CHTF18: variants seen among roughly 807,000 people sequenced by gnomAD.
The protein encoded by CHTF18 is chromosome transmission fidelity factor 18.
A neutral mutation model predicts 113.4 loss-of-function variants in CHTF18; 151 were observed. The observed-to-expected ratio is 1.33, with a 90% CI of 1.17 to 1.52. The LOEUF (loss-of-function observed/expected upper bound fraction) is 1.52. Among genes scored for constraint, CHTF18 ranks in the 40% most tolerant of loss-of-function variants. The pLI is 0.00. For missense variants in CHTF18, 1,982 were observed against 1,381.6 expected (o/e 1.43, Z -6.89); for synonymous variants, 916 against 598.8 (o/e 1.53, Z -7.74).
In CHTF18 at chr16:788,631, G is replaced by C. The variant is rs898151369; in HGVS notation, c.-54G>C. Reference sequence around the variant, plus strand: ...GGCACGCTCGGGGCGGGCAGTGCGCGACGGCGGCGGCGGCGCGGGAGGTTC... The same window carrying C: ...GGCACGCTCGGGGCGGGCAGTGCGCCACGGCGGCGGCGGCGCGGGAGGTTC... On this transcript the variant is annotated 5_prime_UTR_variant, in exon 1 of 22. Coordinates refer to ENST00000262315, the MANE Select transcript of CHTF18 (RefSeq NM_022092.3). 1 of 1,391,834 alleles carries C rather than the reference G, an allele frequency of 7.2e-7. No individual in the cohort carries two copies. The highest frequency in any genetic ancestry group is 9.5e-7 in the Non-Finnish European group (1 of 1,055,984). The allele number at this position is 1,391,834 out of a possible 1,614,324, so 86.2% of individuals were successfully genotyped here.
Position 788,651 on chromosome 16 carries a change from A to AGGTTCGGAGCGGG in CHTF18, c.-33_-21dup. The AGGTTCGGAGCGGG allele has an allele frequency of 6.9e-7, 1 of 1,458,624 alleles. No homozygotes were observed. Among genetic ancestry groups the AGGTTCGGAGCGGG allele is most frequent in the South Asian group, 1.4e-5 (1 of 73,800 alleles). 90.4% of individuals were successfully genotyped at this position (1,458,624 alleles called of 1,614,324 possible). A position where few individuals can be genotyped will look rare whatever the true frequency, so the allele number is the denominator to read the frequency against. Reference sequence around the variant, plus strand: ...TGCGCGACGGCGGCGGCGGCGCGGGAGGTTCGGAGCGGGAGCTCGGGCTCG... The same window carrying AGGTTCGGAGCGGG: ...TGCGCGACGGCGGCGGCGGCGCGGGAGGTTCGGAGCGGGGGTTCGGAGCGGGAGCTCGGGCTCG... On this transcript the variant is annotated 5_prime_UTR_variant, in exon 1 of 22. Coordinates refer to ENST00000262315, the MANE Select transcript of CHTF18 (RefSeq NM_022092.3).
chr16:792,052 G>C lies in CHTF18; in HGVS notation c.1202+104G>C, dbSNP rs2042211855. 9 of 1,544,664 alleles carry C rather than the reference G, an allele frequency of 5.8e-6. No homozygotes were observed. The South Asian group carries it at 6.0e-5, about 10-fold the overall frequency. ...TGTGGATGTTCCCGTCTTGAGGGTG[G>C]TGGGGGCCTGGGTGTGTGGGCCGGG... is the stretch of plus-strand genomic sequence containing the variant. On this transcript the variant is annotated intron_variant, in intron 9 of 21. Transcript: ENST00000262315.
At chr16:791,705 G>A in intron 8 of CHTF18, 146 bp from the exon 9 acceptor site, 2 of 1,435,024 alleles carry the variant, frequency 1.4e-6, no homozygotes, top group South Asian at 1.5e-5. Context: ...GTGTGTGAAA[G>A]TGCTCAATTT....
In CHTF18 at chr16:788,980, AC is replaced by A; in HGVS notation, c.146del (p.Pro49ArgfsTer62). 1 of 1,561,062 alleles carries A rather than the reference AC, an allele frequency of 6.4e-7. No individual in the cohort carries two copies. The highest frequency in any genetic ancestry group is 8.6e-7 in the Non-Finnish European group (1 of 1,160,504). On this transcript the variant is annotated frameshift_variant, in exon 2 of 22. Coordinates refer to ENST00000262315, the MANE Select transcript of CHTF18 (RefSeq NM_022092.3). LOFTEE classifies it high-confidence loss of function. Reference protein sequence around the residue: ...SGVPLFTAGRPPRTFEEALAR... With the variant: ...SGVPLFTAGRXPRTFEEALAR... ...GGGTCCCCCTGTTCACCGCGGGCCG[AC>A]CCCCGCGGACGTTCGAGGAGGCCCT...
intron 14 of CHTF18, 148 bp downstream of exon 14, chr16:793,422 C>T (rs374217604): frequency 6.5e-6 from 7 of 1,068,904 alleles, no homozygotes; most frequent in East Asian, 5.2e-5. Flanking sequence ...GGGCCCTCCT[C>T]AGCCTTTTCC....
Position 792,501 on chromosome 16 carries a change from G to C in CHTF18, c.1389G>C (p.Gln463His), listed in dbSNP as rs779906566. Residue 463 changes from glutamine (Q) to histidine (H), a missense_variant, in exon 11 of 22, where the codon CAG becomes CAC. Physicochemically the swap from Gln to His is conservative, Grantham distance 24. Transcript: ENST00000262315. Reference protein sequence around the residue: ...NRKGPQEVGPQGPAVPSGGGR... With the variant: ...NRKGPQEVGPHGPAVPSGGGR... ...AGGGGCCACAGGAGGTGGGGCCACA[G>C]GGCCCGGCTGTGCCTTCGGGAGGCG... is the stretch of plus-strand genomic sequence containing the variant. 6.3e-5 allele frequency: 100 copies of C among 1,592,578 alleles called. 2 individuals carry two copies. The South Asian group carries it at 1.1e-3, about 18-fold the overall frequency.
Position 792,435 on chromosome 16 carries a change from C to T in CHTF18, c.1327-4C>T, listed in dbSNP as rs1596757206. 2 of 1,560,456 alleles carry T rather than the reference C, an allele frequency of 1.3e-6. No individual in the cohort carries two copies. Among genetic ancestry groups the T allele is most frequent in the East Asian group, 2.4e-5 (1 of 41,634 alleles). ...ACTCACCGTGTCCTCTGACCTCCCC[C>T]AAGGCCGCCATCAACGTCCTCCTGA... On this transcript the variant is annotated splice_region_variant and splice_polypyrimidine_tract_variant and intron_variant, in intron 10 of 21. Transcript: ENST00000262315.
At position 794,131 on chromosome 16, in the gene CHTF18, C is replaced by T; in HGVS notation, c.1880C>T (p.Ser627Phe). The change falls in exon 15 of 22, where the codon TCC becomes TTC. Residue 627 changes from serine (S) to phenylalanine (F), a missense_variant. By Grantham distance (155) the Ser-to-Phe change is radical (BLOSUM62 -2). Coordinates refer to ENST00000262315, the MANE Select transcript of CHTF18 (RefSeq NM_022092.3). ...GACGGGGACGCGGGCTCCCTCACCT[C>T]CGCCTCACAGCGATTCTACCGTGTC... ...LGDGDAGSLT[S>F]ASQRFYRVLH... 2 of 1,612,476 alleles carry T rather than the reference C, an allele frequency of 1.2e-6. No homozygotes were observed. The highest frequency in any genetic ancestry group is 1.7e-6 in the Non-Finnish European group (2 of 1,179,772).
At chr16:794,992 G>A (rs888772845) in intron 15 of CHTF18, 140 bp from the exon 16 acceptor site, 17 of 665,628 alleles carry the variant, frequency 2.6e-5, no homozygotes, top group African/African-American at 2.5e-4. Context: ...GCGTCGTGGG[G>A]ACCCTTGTGG....
Position 791,431 on chromosome 16 carries a change from C to G in CHTF18, c.1104+61C>G. 22 of 1,502,090 alleles carry G rather than the reference C, an allele frequency of 1.5e-5. No individual in the cohort carries two copies. The South Asian group carries it at 2.3e-4, about 16-fold the overall frequency. The allele number at this position is 1,502,090 out of a possible 1,614,324, so 93.0% of individuals were successfully genotyped here. ...TGAGGCTTTGCACTCGGCGCCGGCA[C>G]CCTTGCAGCCTGTTGACTTTCTCCA... On this transcript the variant is annotated intron_variant, in intron 8 of 21. Coordinates refer to ENST00000262315, the MANE Select transcript of CHTF18 (RefSeq NM_022092.3).
Position 795,985 on chromosome 16 carries a change from G to A in CHTF18, c.2364G>A (p.Gln788=). The change falls in exon 18 of 22, where the codon CAG becomes CAA. Residue 788 remains glutamine, a synonymous_variant. Transcript: ENST00000262315. ...TQLYSTREKQ[Q]LASLVGTMLA... ...TGTACAGCACCCGTGAAAAGCAACA[G>A]CTGGCCAGCCTGGTGGGCACGATGC... The A allele has an allele frequency of 6.2e-7, 1 of 1,609,148 alleles. No individual in the cohort carries two copies. Among genetic ancestry groups the A allele is most frequent in the South Asian group, 1.1e-5 (1 of 90,270 alleles).
intron 18 of CHTF18, chr16:796,491 G>A (rs998019658): frequency 6.7e-6 from 4 of 596,594 alleles, no homozygotes; most frequent in South Asian, 2.2e-5. Context: ...GGCAGCCATC[G>A]GCAGGTTTCA....
At position 791,432 on chromosome 16, in the gene CHTF18, C is replaced by T. The variant is rs956257711; in HGVS notation, c.1104+62C>T. 1.2e-5 allele frequency: 18 copies of T among 1,500,880 alleles called. No individual in the cohort carries two copies. The African/African-American group carries it at 1.8e-4, about 15-fold the overall frequency. 93.0% of individuals were successfully genotyped at this position (1,500,880 alleles called of 1,614,324 possible). A position where few individuals can be genotyped will look rare whatever the true frequency, so the allele number is the denominator to read the frequency against. On this transcript the variant is annotated intron_variant, in intron 8 of 21. Coordinates refer to ENST00000262315, the MANE Select transcript of CHTF18 (RefSeq NM_022092.3). Reference sequence around the variant, plus strand: ...GAGGCTTTGCACTCGGCGCCGGCACCCTTGCAGCCTGTTGACTTTCTCCAG... The same window carrying T: ...GAGGCTTTGCACTCGGCGCCGGCACTCTTGCAGCCTGTTGACTTTCTCCAG...
intron 8 of CHTF18, chr16:791,626 C>T (rs2042198241): frequency 2.8e-6 from 4 of 1,428,608 alleles, no homozygotes; most frequent in African/African-American, 1.4e-5. Context: ...GCCAGTCACA[C>T]TGGTATCAGC....
At chr16:790,116 GC>G (rs2042145709) in intron 4 of CHTF18, 60 bp from the exon 5 acceptor site, 2 of 1,544,516 alleles carry the variant, frequency 1.3e-6, no homozygotes, top group Non-Finnish European at 1.7e-6. Context: ...ACTGATGGGG[GC>G]TGACGTGAAT....
chr16:793,127 C>G lies in CHTF18; in HGVS notation c.1672-17C>G. ...GTCAGGAGTTGGCCGCTTCTCATGC[C>G]CCCGCCCTATGTCTAGTTCCTGTAC... On this transcript the variant is annotated splice_polypyrimidine_tract_variant and intron_variant, in intron 13 of 21. Coordinates refer to ENST00000262315, the MANE Select transcript of CHTF18 (RefSeq NM_022092.3). The G allele has an allele frequency of 6.3e-7, 1 of 1,586,436 alleles. No individual in the cohort carries two copies. The highest frequency in any genetic ancestry group is 8.6e-7 in the Non-Finnish European group (1 of 1,167,906).
rs554395065 is a variant in CHTF18 at position 790,244 on chromosome 16, C to T, written c.674C>T (p.Ser225Phe). The change falls in exon 5 of 22, where the codon TCC (serine) becomes TTC (phenylalanine). Residue 225 changes from serine (S) to phenylalanine (F), a missense_variant. Ser to Phe is a radical substitution (Grantham distance 155). Coordinates refer to ENST00000262315, the MANE Select transcript of CHTF18 (RefSeq NM_022092.3). ...QLDLLGVSLA[S>F]LKKQVDGERR... ...GACCTGCTGGGTGTGTCCTTAGCCT[C>T]CCTGAAGAAGCAGGTCGACGGCGAG... 7 of 1,607,000 alleles carry T rather than the reference C, an allele frequency of 4.4e-6. No individual in the cohort carries two copies. In the Admixed American group the frequency reaches 5.1e-5, roughly 12 times the overall value.
intron 12 of CHTF18, 53 bp from the exon 13 acceptor site, chr16:792,913 C>T (rs1053712231): frequency 4.7e-5 from 72 of 1,539,038 alleles, no homozygotes; most frequent in Non-Finnish European, 5.8e-5. Flanking sequence ...CCCTGGTAAC[C>T]CCTGAAAGGA....
chr16:793,013 C>A lies in CHTF18; in HGVS notation c.1620C>A (p.Ala540=). 1 of 1,561,042 alleles carries A rather than the reference C, an allele frequency of 6.4e-7. No homozygotes were observed. Among genetic ancestry groups the A allele is most frequent in the East Asian group, 2.4e-5 (1 of 40,852 alleles). ...GGGCCGACCCAGGGGTGCTGGCCGCCCTCTGTGAGAAAACTGACAATGACA... is the reference window on the plus strand; with the variant it reads ...GGGCCGACCCAGGGGTGCTGGCCGCACTCTGTGAGAAAACTGACAATGACA... The part of the protein sequence containing the change: ...GMRADPGVLA[A]LCEKTDNDIR... Residue 540 remains alanine, a synonymous_variant, in exon 13 of 22, where the codon GCC becomes GCA. Transcript: ENST00000262315.
Sources: allele counts gnomAD v4.1 joint callset, GRCh38; gene constraint gnomAD v4.1.1; transcripts MANE v1.5; gene names NCBI Gene and HGNC (gene_info 2026-07-23, HGNC 2026-07-21).